TBC1D13: variants seen among roughly 807,000 people sequenced by gnomAD.
TBC1D13 encodes the protein TBC1 domain family member 13, also known as epididymis secretory sperm binding protein.
Under a neutral mutation model 53.6 loss-of-function variants are expected in TBC1D13, and 40 were observed. The ratio of observed to expected loss-of-function variants is 0.75; its 90% CI spans 0.58 to 0.97. TBC1D13 has a LOEUF of 0.97. TBC1D13 is among the 50% of genes least tolerant of loss of function. The probability of loss-of-function intolerance (pLI) is 0.00; values close to 1 mark genes in which losing one functional copy is unlikely to be tolerated. For missense variants in TBC1D13, 377 were observed against 499.4 expected, an observed-to-expected ratio of 0.75 and a Z score of 2.34; for synonymous variants, 182 against 197.7, an observed-to-expected ratio of 0.92 and a Z score of 0.67.
chr9:128,806,323 TG>T lies in TBC1D13; in HGVS notation c.1137+17del, dbSNP rs551359729. The T allele has an allele frequency of 4.5e-3, 7,327 of 1,613,876 alleles. 26 individuals are homozygous for T. Among genetic ancestry groups the T allele is most frequent in the Non-Finnish European group, 5.8e-3 (6,810 of 1,179,994 alleles). ...TGCGGCTGCTGCAGGTAATGGGAGT[TG>T]GGGGCAGGCTCAGCCACTGCCATGA... On this transcript the variant is annotated intron_variant, in intron 11 of 11. Coordinates refer to ENST00000372648, the MANE Select transcript of TBC1D13 (RefSeq NM_018201.5).
At chr9:128,787,980 G>C (rs558505507) in intron 1 of TBC1D13, among the ~76,000 whole-genome samples, 3 of 152,154 alleles carry the variant, frequency 2.0e-5, no homozygotes, top group Non-Finnish European at 4.4e-5. Flanking sequence ...GTGGCTGTGC[G>C]TGGACCCGGC....
intron 11 of TBC1D13, among the ~76,000 whole-genome samples, chr9:128,806,669 G>A (rs761595771): frequency 3.2e-4 from 49 of 151,982 alleles, no homozygotes; most frequent in Non-Finnish European, 4.3e-4. Flanking sequence ...CTCACCGGGC[G>A]CGGTGGCTCA....
At chr9:128,802,323 G>T (rs1478962618) in intron 7 of TBC1D13, among the ~76,000 whole-genome samples, 1 of 152,198 alleles carries the variant, frequency 6.6e-6, no homozygotes, top group Non-Finnish European at 1.5e-5. Flanking sequence ...CTCCCAAAGT[G>T]CTGGGATTAC....
At chr9:128,803,520 C>A in intron 8 of TBC1D13, 60 bp downstream of exon 8, 1 of 1,526,590 alleles carries the variant, frequency 6.6e-7, no homozygotes, top group South Asian at 1.1e-5. Flanking sequence ...CTGTGCACCT[C>A]ACTTTCCCTC....
In TBC1D13 at chr9:128,787,331, T is replaced by TG; in HGVS notation, c.-17dup. 5.6e-6 allele frequency: 7 copies of TG among 1,257,902 alleles called. No homozygotes were observed. Among genetic ancestry groups the TG allele is most frequent in the East Asian group, 6.2e-5 (2 of 32,196 alleles). 77.9% of individuals were successfully genotyped at this position (1,257,902 alleles called of 1,614,324 possible). A position where few individuals can be genotyped will look rare whatever the true frequency, so the allele number is the denominator to read the frequency against. ...CAGAGGCGCAGGCGGCGGAGGCGGC[T>TG]GGGGGGTCCGGAAGTCAACACCATG... On this transcript the variant is annotated 5_prime_UTR_variant, in exon 1 of 12. Coordinates refer to ENST00000372648, the MANE Select transcript of TBC1D13 (RefSeq NM_018201.5).
At chr9:128,800,262 A>G (rs1004386735) in intron 7 of TBC1D13, among the ~76,000 whole-genome samples, 5 of 150,920 alleles carry the variant, frequency 3.3e-5, no homozygotes, top group African/African-American at 1.2e-4. Context: ...CCAGCACTTG[A>G]TTTACAAAGT....
intron 2 of TBC1D13, among the ~76,000 whole-genome samples, chr9:128,789,117 T>A (rs1236536149): frequency 1.3e-5 from 2 of 151,416 alleles, no homozygotes; most frequent in Non-Finnish European, 2.9e-5. Context: ...AGGTCAGGAG[T>A]TCGAGAACAG....
At chr9:128,802,471 C>G (rs10819442) in intron 7 of TBC1D13, among the ~76,000 whole-genome samples, 56,668 of 152,148 alleles carry the variant, frequency 0.37, 13,999 homozygotes, top group African/African-American at 0.71. Flanking sequence ...AGATACAGAA[C>G]ATGTCCACAT....
chr9:128,790,695 C>T (rs758746010), intron 2 of TBC1D13, 40 bp from the exon 3 acceptor site: 4 of 1,527,424 alleles, frequency 2.6e-6, no homozygotes, highest in Non-Finnish European at 3.5e-6. Flanking sequence ...GGTTCTGGGA[C>T]TCTGGCCTGG....
rs1471173543 is a variant in TBC1D13 at position 128,797,160 on chromosome 9, A to G, written c.489A>G (p.Glu163=). 3 of 1,614,044 alleles carry G rather than the reference A, an allele frequency of 1.9e-6. No homozygotes were observed. The highest frequency in any genetic ancestry group is 2.5e-6 in the Non-Finnish European group (3 of 1,180,032). ...TTGAAACCCTTCGTAAGAGAGTGGA[A>G]CAGACAACACTGAAATCTCAGACGG... is the stretch of plus-strand genomic sequence containing the variant. ...NEFETLRKRV[E]QTTLKSQTVA... The change falls in exon 7 of 12, where the codon GAA becomes GAG. Residue 163 remains glutamate, a synonymous_variant. Coordinates refer to ENST00000372648, the MANE Select transcript of TBC1D13 (RefSeq NM_018201.5).
Position 128,804,154 on chromosome 9 carries a change from C to T in TBC1D13, c.918+35C>T, listed in dbSNP as rs1406317427. On this transcript the variant is annotated intron_variant, in intron 9 of 11. Transcript: ENST00000372648. ...CCAGGAACAGACGGGTGGAAAGGGA[C>T]AGGAGGCAGAGAGTTGCTGTGCCAT... 1.9e-6 allele frequency: 3 copies of T among 1,606,820 alleles called. No homozygotes were observed. In the African/African-American group the frequency reaches 4.0e-5, roughly 21 times the overall value.
chr9:128,799,115 A>G (rs1829688797), intron 7 of TBC1D13, among the ~76,000 whole-genome samples: 1 of 152,212 alleles, frequency 6.6e-6, no homozygotes. Context: ...ACTGCTGTGC[A>G]GTGCAGATTG....
At chr9:128,807,133 C>T (rs955026468) in intron 11 of TBC1D13, among the ~76,000 whole-genome samples, 4 of 148,450 alleles carry the variant, frequency 2.7e-5, no homozygotes, top group African/African-American at 1.0e-4. Context: ...GTTGTCCAGG[C>T]TGGAGTGCAG....
chr9:128,789,656 GT>G (rs1310340107), intron 2 of TBC1D13, among the ~76,000 whole-genome samples: 8 of 152,026 alleles, frequency 5.3e-5, no homozygotes, highest in Non-Finnish European at 8.8e-5. Context: ...TCGTAGCTTA[GT>G]TTATATTCCA....
At chr9:128,790,347 G>A (rs983412201) in intron 2 of TBC1D13, among the ~76,000 whole-genome samples, 1 of 151,964 alleles carries the variant, frequency 6.6e-6, no homozygotes, top group Non-Finnish European at 1.5e-5. Context: ...GCCGAAGTGG[G>A]GGGATCACCT....
At chr9:128,806,378 G>T (rs940514074) in intron 11 of TBC1D13, 67 bp downstream of exon 11, 151 of 1,579,064 alleles carry the variant, frequency 9.6e-5, no homozygotes, top group Non-Finnish European at 1.2e-4. Flanking sequence ...ACCTGCCCAC[G>T]CCAGCTGCTG....
At chr9:128,800,530 C>T (rs891375095) in intron 7 of TBC1D13, among the ~76,000 whole-genome samples, 10 of 152,020 alleles carry the variant, frequency 6.6e-5, no homozygotes, top group Non-Finnish European at 1.5e-4. Flanking sequence ...GCCACCACAC[C>T]TGGCTAATTT....
intron 6 of TBC1D13, among the ~76,000 whole-genome samples, chr9:128,796,288 T>C (rs1339817303): frequency 2.0e-5 from 3 of 152,002 alleles, no homozygotes; most frequent in East Asian, 3.9e-4. Context: ...TCGCTCTTGT[T>C]GCCCAAGCTG....
rs1829870679 is a variant in TBC1D13 at position 128,808,048 on chromosome 9, C to T, written c.*169C>T. 6.2e-6 allele frequency: 4 copies of T among 643,620 alleles called. No homozygotes were observed. The highest frequency in any genetic ancestry group is 5.4e-5 in the African/African-American group (3 of 55,524). 39.9% of individuals were successfully genotyped at this position (643,620 alleles called of 1,614,324 possible). ...ACACTGTGCCGTGCTCCTTCTGCCG[C>T]CACGCCCAGCTCCCCACCTGCCCTG... On this transcript the variant is annotated 3_prime_UTR_variant, in exon 12 of 12. Transcript: ENST00000372648.
Sources: gnomAD v4.1 joint callset for allele counts (sites outside exome capture counted in the v4.1 genomes callset) on GRCh38, gnomAD v4.1.1 for gene constraint, MANE v1.5 for transcripts, NCBI Gene and HGNC (gene_info 2026-07-23, HGNC 2026-07-21) for gene names.